PIGB: variants seen among roughly 807,000 people sequenced by gnomAD.
The protein encoded by PIGB is phosphatidylinositol glycan anchor biosynthesis class B, also known as GPI alpha-1,2-mannosyltransferase 3.
In PIGB, 58 loss-of-function variants were observed where a neutral mutation model predicts 68.4. That is an observed-to-expected ratio of 0.85 (90% CI 0.69 to 1.06). The LOEUF is 1.06. Among genes scored for constraint, PIGB ranks in the 50% least tolerant of loss-of-function variants. The pLI, the probability that PIGB is intolerant of heterozygous loss-of-function variation, is 0.00. For synonymous variants in PIGB, 219 were observed against 220.5 expected (o/e 0.99, Z 0.06); for missense variants, 634 against 655.8 (o/e 0.97, Z 0.36).
At position 55,320,365 on chromosome 15, in the gene PIGB, A is replaced by T. The variant is rs756664583; in HGVS notation, c.254A>T (p.Asp85Val). 3.1e-6 allele frequency: 5 copies of T among 1,613,618 alleles called. No individual in the cohort carries two copies. Among genetic ancestry groups the T allele is most frequent in the East Asian group, 2.2e-5 (1 of 44,868 alleles). Residue 85 changes from aspartate to valine, a missense_variant, in exon 2 of 12, where the codon GAT becomes GTT. Coordinates refer to ENST00000164305, the MANE Select transcript of PIGB (RefSeq NM_004855.5). ...CFLVQTSFVP[D>V]EYWQSLEVSH... ...TTAGTGCAGACAAGTTTTGTTCCAG[A>T]TGAATACTGGCAGTCTCTTGAAGTT... is the stretch of plus-strand genomic sequence containing the variant.
At chr15:55,337,916 T>C (rs2252085) in intron 6 of PIGB, among the ~76,000 whole-genome samples, 4,223 of 152,274 alleles carry the variant, frequency 0.028, 188 homozygotes, top group African/African-American at 0.096. Context: ...TAGACATGAG[T>C]ACATATGGTA....
intron 3 of PIGB, among the ~76,000 whole-genome samples, chr15:55,327,045 T>G (rs892403810): frequency 2.0e-5 from 3 of 151,824 alleles, no homozygotes; most frequent in Non-Finnish European, 4.4e-5. Flanking sequence ...GCAGGAAAAT[T>G]GCTTCACTCC....
At chr15:55,344,750 A>G (rs1170338094) in intron 9 of PIGB, among the ~76,000 whole-genome samples, 1 of 152,156 alleles carries the variant, frequency 6.6e-6, no homozygotes, top group Non-Finnish European at 1.5e-5. Context: ...TTAAATTCTT[A>G]GTTTGAATCT....
In PIGB at chr15:55,350,865, A is replaced by G. The variant is rs1312259503; in HGVS notation, c.1290A>G (p.Ser430=). 1.2e-5 allele frequency: 20 copies of G among 1,607,666 alleles called. No homozygotes were observed. In the East Asian group the frequency reaches 4.5e-4, roughly 36 times the overall value. Residue 430 remains serine, a synonymous_variant, in exon 10 of 12, where the codon TCA becomes TCG. Coordinates refer to ENST00000164305, the MANE Select transcript of PIGB (RefSeq NM_004855.5). ...GTTACAACAATCCCAATAAATCTTC[A>G]GCTTCAATATTTATAATGATGCCTT... The part of the protein sequence containing the change: ...KVCYNNPNKS[S]ASIFIMMPCH...
rs775374852 is a variant in PIGB at position 55,340,684 on chromosome 15, C to G, written c.919C>G (p.Pro307Ala). 8 of 1,612,638 alleles carry G rather than the reference C, an allele frequency of 5.0e-6. No individual in the cohort carries two copies. The highest frequency in any genetic ancestry group is 5.9e-6 in the Non-Finnish European group (7 of 1,179,206). Residue 307 changes from proline (P) to alanine (A), a missense_variant, in exon 8 of 12, where the codon CCA becomes GCA. Coordinates refer to ENST00000164305, the MANE Select transcript of PIGB (RefSeq NM_004855.5). ...QNWGTFYGSHPWHWYFSQGFP... is the reference protein window; with the variant it reads ...QNWGTFYGSHAWHWYFSQGFP... ...CTGGGGAACATTTTATGGTTCTCAT[C>G]CATGGCACTGGTACTTCAGTCAAGG... is the stretch of plus-strand genomic sequence containing the variant.
intron 10 of PIGB, among the ~76,000 whole-genome samples, chr15:55,352,539 C>A (rs2055947959): frequency 6.6e-6 from 1 of 152,110 alleles, no homozygotes; most frequent in Non-Finnish European, 1.5e-5. Context: ...GTAATCCTAG[C>A]ACTTTGTGAG....
At chr15:55,342,389 AATT>A (rs1200102984) in intron 9 of PIGB, among the ~76,000 whole-genome samples, 1 of 152,084 alleles carries the variant, frequency 6.6e-6, no homozygotes, top group Non-Finnish European at 1.5e-5. Flanking sequence ...AGGCATATGC[AATT>A]ATTATTATTA....
At chr15:55,340,143 G>T (rs539969866) in intron 7 of PIGB, 1 of 152,060 alleles carries the variant, frequency 6.6e-6, no homozygotes, top group South Asian at 2.1e-4. Flanking sequence ...CAGTTAAGAA[G>T]GATTTCATAC....
chr15:55,350,324 C>T (rs1056375798), intron 9 of PIGB: 2 of 186,760 alleles, frequency 1.1e-5, no homozygotes, highest in African/African-American at 4.7e-5. Context: ...AATTAAAAGT[C>T]CTATTTATTT....
chr15:55,341,701 A>G, intron 8 of PIGB, 37 bp from the exon 9 acceptor site: 1 of 820,380 alleles, frequency 1.2e-6, no homozygotes, highest in Non-Finnish European at 1.8e-6. Context: ...ATAACATGAT[A>G]ATTAATATTT....
At chr15:55,343,869 ACAGT>A (rs1472018655) in intron 9 of PIGB, among the ~76,000 whole-genome samples, 1 of 152,152 alleles carries the variant, frequency 6.6e-6, no homozygotes, top group Admixed American at 6.5e-5. Flanking sequence ...ACTTCCACTA[ACAGT>A]CAGGGCTGTT....
At chr15:55,342,668 C>T (rs1595794239) in intron 9 of PIGB, among the ~76,000 whole-genome samples, 1 of 152,240 alleles carries the variant, frequency 6.6e-6, no homozygotes, top group Non-Finnish European at 1.5e-5. Flanking sequence ...GCTGGGATTG[C>T]AGGCGTGAGC....
chr15:55,353,387 C>CTATT (rs548957928), intron 10 of PIGB, among the ~76,000 whole-genome samples: 115 of 152,318 alleles, frequency 7.5e-4, no homozygotes, highest in Middle Eastern at 3.4e-3. Context: ...AAATAAATCA[C>CTATT]TATTAGGTCT....
intron 4 of PIGB, among the ~76,000 whole-genome samples, 177 bp downstream of exon 4, chr15:55,327,812 G>A (rs1435819401): frequency 3.9e-5 from 6 of 152,212 alleles, no homozygotes; most frequent in Middle Eastern, 3.4e-3. Flanking sequence ...TCTTTCCTTC[G>A]GATTAAGCCC....
At chr15:55,333,241 C>A (rs117829784) in intron 5 of PIGB, among the ~76,000 whole-genome samples, 4 of 152,102 alleles carry the variant, frequency 2.6e-5, no homozygotes, top group African/African-American at 4.8e-5. Context: ...TTAGATATTA[C>A]CTTTTTTAAA....
chr15:55,323,523 A>T (rs781584054), intron 3 of PIGB, among the ~76,000 whole-genome samples: 1 of 152,226 alleles, frequency 6.6e-6, no homozygotes, highest in Non-Finnish European at 1.5e-5. Context: ...GCCACTAGCT[A>T]CATGTAGCTG....
intron 6 of PIGB, among the ~76,000 whole-genome samples, chr15:55,334,276 TAG>T (rs1182405398): frequency 1.3e-5 from 2 of 152,262 alleles, no homozygotes; most frequent in Non-Finnish European, 2.9e-5. Context: ...ACATATATTT[TAG>T]AGATACTTGA....
At chr15:55,338,661 G>T (rs796542095) in intron 6 of PIGB, among the ~76,000 whole-genome samples, 6 of 151,976 alleles carry the variant, frequency 3.9e-5, no homozygotes, top group South Asian at 4.1e-4. Context: ...AAAAAGAAAA[G>T]AATACATAAA....
At chr15:55,340,846 G>A (rs764037719) in intron 8 of PIGB, 23 bp downstream of exon 8, 4 of 1,432,784 alleles carry the variant, frequency 2.8e-6, no homozygotes, top group East Asian at 2.4e-5. Flanking sequence ...TTGTTCAAAA[G>A]GCTAAAATTT....
Sources: allele counts gnomAD v4.1 joint callset (sites outside exome capture counted in the v4.1 genomes callset), GRCh38; gene constraint gnomAD v4.1.1; transcripts MANE v1.5; gene names NCBI Gene and HGNC (gene_info 2026-07-23, HGNC 2026-07-21).